SPAG16: variants seen among roughly 807,000 people sequenced by gnomAD.
SPAG16 encodes sperm associated antigen 16, also known as sperm-associated antigen 16 protein.
A neutral mutation model predicts 80.4 loss-of-function variants in SPAG16; 86 were observed. That is an observed-to-expected ratio of 1.07 (90% CI 0.90 to 1.28). SPAG16 has a LOEUF of 1.28. SPAG16 is among the 50% of genes most tolerant of loss of function. SPAG16 has a pLI of 0.00. For synonymous variants in SPAG16, 294 were observed against 265.9 expected (o/e 1.11, Z -1.03); for missense variants, 870 against 765.3 (o/e 1.14, Z -1.61).
At chr2:214,151,669 G>A (rs2055979220) in intron 15 of SPAG16, among the ~76,000 whole-genome samples, 2 of 152,040 alleles carry the variant, frequency 1.3e-5, no homozygotes, top group African/African-American at 4.8e-5. Flanking sequence ...CATTAGTTAT[G>A]TCTAACCATT....
intron 15 of SPAG16, among the ~76,000 whole-genome samples, chr2:214,195,845 T>C (rs556681290): frequency 7.9e-5 from 12 of 152,014 alleles, no homozygotes; most frequent in African/African-American, 2.7e-4. Flanking sequence ...GCTGGAGTTA[T>C]GAATTTGAAG....
intron 1 of SPAG16, 110 bp downstream of exon 1, chr2:213,284,729 A>G: frequency 7.1e-7 from 1 of 1,413,676 alleles, no homozygotes; most frequent in Non-Finnish European, 9.3e-7. Flanking sequence ...GCCACTCCGG[A>G]GGAGCCTCTG....
intron 15 of SPAG16, among the ~76,000 whole-genome samples, chr2:214,376,934 T>G (rs764038466): frequency 2.6e-5 from 4 of 152,170 alleles, no homozygotes; most frequent in Non-Finnish European, 5.9e-5. Context: ...AATTTAAAAT[T>G]TAGCAAAACA....
intron 11 of SPAG16, among the ~76,000 whole-genome samples, chr2:213,877,503 T>C (rs1259435609): frequency 2.0e-5 from 3 of 152,128 alleles, no homozygotes; most frequent in African/African-American, 7.2e-5. Flanking sequence ...TTTGTTGAGA[T>C]GAGATCTCAC....
chr2:213,585,540 G>A lies in SPAG16; in HGVS notation c.1070+95450G>A, dbSNP rs144861268. On this transcript the variant is annotated intron_variant, in intron 10 of 15. Transcript: ENST00000331683. Reference sequence around the variant, plus strand: ...GATCTGCTCACCATGGCCTCCCAAAGTTCTGGGATTATGATGTAAGTAACC... The same window carrying A: ...GATCTGCTCACCATGGCCTCCCAAAATTCTGGGATTATGATGTAAGTAACC... 5.9e-3 allele frequency among the ~76,000 whole-genome samples: 896 copies of A among 152,256 alleles called. 6 individuals carry two copies. The highest frequency in any genetic ancestry group is 0.01 in the Admixed American group (153 of 15,298).
chr2:213,463,540 A>T (rs2072503867), intron 9 of SPAG16, among the ~76,000 whole-genome samples: 1 of 152,262 alleles, frequency 6.6e-6, no homozygotes, highest in Non-Finnish European at 1.5e-5. Flanking sequence ...GCTGTGGCTA[A>T]AAGGGGCCTA....
At chr2:214,315,228 C>T (rs1444250953) in intron 15 of SPAG16, among the ~76,000 whole-genome samples, 1 of 152,132 alleles carries the variant, frequency 6.6e-6, no homozygotes, top group Non-Finnish European at 1.5e-5. Flanking sequence ...CCCCATACCA[C>T]CTATTTCCTC....
chr2:213,455,832 T>C lies in SPAG16; in HGVS notation c.943-34131T>C, dbSNP rs888909937. ...CTGGTTCCAGTCTGCCACTGGAGGGTTGGCGACCCCTGCTCCAGGTGGACC... is the reference window on the plus strand; with the variant it reads ...CTGGTTCCAGTCTGCCACTGGAGGGCTGGCGACCCCTGCTCCAGGTGGACC... On this transcript the variant is annotated intron_variant, in intron 9 of 15. Coordinates refer to ENST00000331683, the MANE Select transcript of SPAG16 (RefSeq NM_024532.5). Among the ~76,000 whole-genome samples, 3 of 152,224 alleles carry C rather than the reference T, an allele frequency of 2.0e-5. No homozygotes were observed. The East Asian group carries it at 5.8e-4, about 29-fold the overall frequency.
chr2:214,140,122 CTG>C (rs749805694), intron 14 of SPAG16, among the ~76,000 whole-genome samples: 4 of 152,100 alleles, frequency 2.6e-5, no homozygotes, highest in Non-Finnish European at 5.9e-5. Context: ...ATTTCTGAGA[CTG>C]TATTTCCCCA....
intron 10 of SPAG16, among the ~76,000 whole-genome samples, chr2:213,772,402 T>A (rs1183653634): frequency 6.6e-6 from 1 of 152,164 alleles, no homozygotes; most frequent in Non-Finnish European, 1.5e-5. Context: ...CTTTTTTTCT[T>A]CAGTGATTTG....
chr2:213,918,820 G>T (rs1346900305), intron 11 of SPAG16, among the ~76,000 whole-genome samples: 1 of 151,726 alleles, frequency 6.6e-6, no homozygotes, highest in Non-Finnish European at 1.5e-5. Context: ...CATTTTTTTT[G>T]TCTGTGCAGG....
At chr2:213,738,579 T>G (rs929423081) in intron 10 of SPAG16, among the ~76,000 whole-genome samples, 2 of 152,232 alleles carry the variant, frequency 1.3e-5, no homozygotes, top group African/African-American at 4.8e-5. Context: ...AATATATACC[T>G]TATAACTTAT....
intron 6 of SPAG16, among the ~76,000 whole-genome samples, chr2:213,343,912 TC>T (rs1446227855): frequency 1.3e-5 from 2 of 152,054 alleles, no homozygotes; most frequent in Non-Finnish European, 2.9e-5. Flanking sequence ...GTATTTGAAA[TC>T]CAAGAAGAGG....
At chr2:213,794,459 C>G (rs1010988580) in intron 10 of SPAG16, among the ~76,000 whole-genome samples, 1 of 152,058 alleles carries the variant, frequency 6.6e-6, no homozygotes, top group Non-Finnish European at 1.5e-5. Flanking sequence ...GATTCCTTTT[C>G]TGCATGTTCC....
chr2:214,305,420 T>C (rs6731062), intron 15 of SPAG16, among the ~76,000 whole-genome samples: 20,534 of 152,258 alleles, frequency 0.13, 1,464 homozygotes, highest in Middle Eastern at 0.26. Flanking sequence ...CAATTGCTTT[T>C]GGTGTCTTCA....
At chr2:213,602,116 A>T (rs2124976740) in intron 10 of SPAG16, among the ~76,000 whole-genome samples, 1 of 152,304 alleles carries the variant, frequency 6.6e-6, no homozygotes, top group Middle Eastern at 3.4e-3. Context: ...ACCTCAGCCC[A>T]GTTTCTAACA....
At chr2:213,485,356 A>T (rs930019504) in intron 9 of SPAG16, among the ~76,000 whole-genome samples, 1 of 152,080 alleles carries the variant, frequency 6.6e-6, no homozygotes, top group African/African-American at 2.4e-5. Flanking sequence ...CTAATTTTAT[A>T]ATTTGTCAGA....
intron 6 of SPAG16, among the ~76,000 whole-genome samples, chr2:213,341,320 G>T (rs1254851541): frequency 6.6e-6 from 1 of 152,168 alleles, no homozygotes; most frequent in Non-Finnish European, 1.5e-5. Context: ...TTGCCCGATA[G>T]CTGCGCGATT....
chr2:213,703,434 C>T (rs1355357011), intron 10 of SPAG16, among the ~76,000 whole-genome samples: 1 of 152,186 alleles, frequency 6.6e-6, no homozygotes, highest in Admixed American at 6.5e-5. Flanking sequence ...AAAATTATGT[C>T]TCAGAAAACT....
Sources: allele counts gnomAD v4.1 joint callset (sites outside exome capture counted in the v4.1 genomes callset), GRCh38; gene constraint gnomAD v4.1.1; transcripts MANE v1.5; gene names NCBI Gene and HGNC (gene_info 2026-07-23, HGNC 2026-07-21).